Variants in CMTM8 observed in about 807,000 individuals in gnomAD.
CMTM8 encodes CKLF like MARVEL transmembrane domain containing 8, also known as CKLF-like MARVEL transmembrane domain-containing protein 8.
A neutral mutation model predicts 18.6 loss-of-function variants in CMTM8; 12 were observed. The observed-to-expected ratio is 0.65, with a 90% CI of 0.41 to 1.05. The LOEUF (loss-of-function observed/expected upper bound fraction) is 1.05, where lower values mean the gene tolerates loss of function less well. CMTM8 is among the 50% of genes least tolerant of loss of function. The probability of loss-of-function intolerance (pLI) is 0.00; values close to 1 mark genes in which losing one functional copy is unlikely to be tolerated. For synonymous variants in CMTM8, 87 were observed against 90.6 expected (o/e 0.96, Z 0.23); for missense variants, 217 against 227.2 (o/e 0.95, Z 0.29).
intron 1 of CMTM8, among the ~76,000 whole-genome samples, chr3:32,336,479 G>A (rs926520367): frequency 3.3e-5 from 5 of 152,256 alleles, no homozygotes; most frequent in Admixed American, 6.5e-5. Context: ...GCAGAACATG[G>A]TTTTGAACAT....
At chr3:32,283,243 T>C (rs1409213943) in intron 1 of CMTM8, among the ~76,000 whole-genome samples, 1 of 152,234 alleles carries the variant, frequency 6.6e-6, no homozygotes, top group Non-Finnish European at 1.5e-5. Flanking sequence ...TGTGGTCATC[T>C]TGTCCCTGCT....
At chr3:32,317,577 C>A (rs561569190) in intron 1 of CMTM8, among the ~76,000 whole-genome samples, 1 of 152,252 alleles carries the variant, frequency 6.6e-6, no homozygotes, top group Non-Finnish European at 1.5e-5. Context: ...ACCCTTTGAC[C>A]TAGTACTTCT....
intron 1 of CMTM8, among the ~76,000 whole-genome samples, chr3:32,340,946 G>C (rs566656436): frequency 2.6e-5 from 4 of 152,276 alleles, no homozygotes; most frequent in African/African-American, 9.6e-5. Flanking sequence ...ACTCAATATG[G>C]CTCCTGTGTC....
chr3:32,268,639 G>A (rs1369422742), intron 1 of CMTM8, among the ~76,000 whole-genome samples: 1 of 151,676 alleles, frequency 6.6e-6, no homozygotes, highest in East Asian at 1.9e-4. Flanking sequence ...TGAACATGAC[G>A]AGTTCATTTA....
chr3:32,317,632 G>T (rs150028501), intron 1 of CMTM8, among the ~76,000 whole-genome samples: 4 of 152,160 alleles, frequency 2.6e-5, no homozygotes, highest in Non-Finnish European at 5.9e-5. Context: ...ACAAAGTGTC[G>T]TGTGTAAAGG....
intron 1 of CMTM8, among the ~76,000 whole-genome samples, chr3:32,327,880 T>G (rs1250425986): frequency 1.3e-5 from 2 of 152,224 alleles, no homozygotes; most frequent in African/African-American, 4.8e-5. Context: ...ATATATACAT[T>G]TGTATGCTAT....
At chr3:32,262,007 A>G (rs1015901690) in intron 1 of CMTM8, among the ~76,000 whole-genome samples, 1 of 152,182 alleles carries the variant, frequency 6.6e-6, no homozygotes, top group African/African-American at 2.4e-5. Flanking sequence ...TTGGAGGAGC[A>G]GGCTCTAGGC....
At chr3:32,300,803 A>G (rs1695598836) in intron 1 of CMTM8, among the ~76,000 whole-genome samples, 2 of 152,054 alleles carry the variant, frequency 1.3e-5, no homozygotes, top group Admixed American at 6.6e-5. Flanking sequence ...TACTAAAAAT[A>G]CAAAAAATTA....
chr3:32,333,250 T>C (rs1696316368), intron 1 of CMTM8, among the ~76,000 whole-genome samples: 1 of 152,240 alleles, frequency 6.6e-6, no homozygotes, highest in South Asian at 2.1e-4. Context: ...TTTTGATTTT[T>C]TCCAACTGTT....
intron 1 of CMTM8, among the ~76,000 whole-genome samples, chr3:32,331,382 G>A (rs1003401500): frequency 1.3e-5 from 2 of 152,104 alleles, no homozygotes; most frequent in Non-Finnish European, 2.9e-5. Context: ...GTAAAATGAT[G>A]AGGCCGCTCT....
intron 2 of CMTM8, among the ~76,000 whole-genome samples, chr3:32,360,653 A>T (rs867471918): frequency 6.6e-6 from 1 of 152,256 alleles, no homozygotes; most frequent in South Asian, 2.1e-4. Context: ...TCAGGAGCAT[A>T]GCAAGTGTCA....
chr3:32,277,102 G>C (rs1702532712), intron 1 of CMTM8, among the ~76,000 whole-genome samples: 2 of 152,130 alleles, frequency 1.3e-5, no homozygotes, highest in South Asian at 4.1e-4. Context: ...GCCCAGGCCA[G>C]TCTTGAGCTC....
chr3:32,242,833 C>A (rs935232007), intron 1 of CMTM8, among the ~76,000 whole-genome samples: 1 of 151,648 alleles, frequency 6.6e-6, no homozygotes, highest in Non-Finnish European at 1.5e-5. Context: ...CCCATTTTTA[C>A]AAAGGTATTT....
At chr3:32,283,983 C>T (rs1702641362) in intron 1 of CMTM8, among the ~76,000 whole-genome samples, 2 of 152,198 alleles carry the variant, frequency 1.3e-5, no homozygotes, top group African/African-American at 4.8e-5. Context: ...GGGCACAGTG[C>T]CTCACGCCTG....
At chr3:32,344,146 A>C (rs1194832592) in intron 1 of CMTM8, among the ~76,000 whole-genome samples, 2 of 152,214 alleles carry the variant, frequency 1.3e-5, no homozygotes, top group Non-Finnish European at 1.5e-5. Context: ...CACTATTTCC[A>C]ATGCCACTTC....
intron 1 of CMTM8, among the ~76,000 whole-genome samples, chr3:32,282,870 C>T (rs889489627): frequency 2.6e-5 from 4 of 152,188 alleles, no homozygotes; most frequent in African/African-American, 9.7e-5. Context: ...ATTTTCTCTT[C>T]TCCCTGCCTA....
Position 32,238,909 on chromosome 3 carries a change from C to A in CMTM8, c.-64C>A. On this transcript the variant is annotated 5_prime_UTR_variant, in exon 1 of 4. Coordinates refer to ENST00000307526, the MANE Select transcript of CMTM8 (RefSeq NM_178868.5). Reference sequence around the variant, plus strand: ...CGCCTGTGTCCCCAGGGCGCAGGGCCGCGCGTCCAGCCCCAGACCCGCCGG... The same window carrying A: ...CGCCTGTGTCCCCAGGGCGCAGGGCAGCGCGTCCAGCCCCAGACCCGCCGG... The A allele has an allele frequency of 6.8e-7, 1 of 1,460,358 alleles. No individual in the cohort carries two copies. Among genetic ancestry groups the A allele is most frequent in the South Asian group, 1.4e-5 (1 of 72,612 alleles). 90.5% of individuals were successfully genotyped at this position (1,460,358 alleles called of 1,614,324 possible).
chr3:32,280,266 C>T (rs1396554330), intron 1 of CMTM8, among the ~76,000 whole-genome samples: 1 of 152,086 alleles, frequency 6.6e-6, no homozygotes, highest in Non-Finnish European at 1.5e-5. Context: ...AAAAGGAAAA[C>T]CCCAACTTTC....
At chr3:32,328,219 T>C (rs1696199709) in intron 1 of CMTM8, among the ~76,000 whole-genome samples, 1 of 151,146 alleles carries the variant, frequency 6.6e-6, no homozygotes, top group South Asian at 2.1e-4. Flanking sequence ...CTACTAAAAA[T>C]ACAAAAAATT....
Sources: gnomAD v4.1 joint callset for allele counts (sites outside exome capture counted in the v4.1 genomes callset) on GRCh38, gnomAD v4.1.1 for gene constraint, MANE v1.5 for transcripts, NCBI Gene and HGNC (gene_info 2026-07-23, HGNC 2026-07-21) for gene names.